KCNC4: variants seen among roughly 807,000 people sequenced by gnomAD.
The protein encoded by KCNC4 is potassium voltage-gated channel subfamily C member 4, also known as voltage-gated potassium channel KCNC4.
A neutral mutation model predicts 42.8 loss-of-function variants in KCNC4; 23 were observed. The observed-to-expected ratio is 0.54, with a 90% CI of 0.39 to 0.76. KCNC4 has a LOEUF of 0.76. Among genes scored for constraint, KCNC4 ranks in the 30% least tolerant of loss-of-function variants. The probability of loss-of-function intolerance (pLI) is 0.00; values close to 1 mark genes in which losing one functional copy is unlikely to be tolerated. For missense variants in KCNC4, 751 were observed against 898.2 expected, an observed-to-expected ratio of 0.84 and a Z score of 2.10; for synonymous variants, 422 against 393.5, an observed-to-expected ratio of 1.07 and a Z score of -0.86.
At chr1:110,228,064 C>T (rs1005691011) in intron 3 of KCNC4, among the ~76,000 whole-genome samples, 1 of 152,160 alleles carries the variant, frequency 6.6e-6, no homozygotes, top group Admixed American at 6.5e-5. Flanking sequence ...GCAAGCGTGG[C>T]AGTTAACATT....
Position 110,223,001 on chromosome 1 carries a change from C to A in KCNC4, c.716C>A (p.Ser239Tyr). ...GCCTCTCTCTTCTTCATCCTGGTCT[C>A]CATCACCACTTTCTGCCTGGAGACC... ...AFASLFFILV[S>Y]ITTFCLETHE... The change falls in exon 2 of 4, where the codon TCC (serine) becomes TAC (tyrosine). Residue 239 changes from serine to tyrosine, a missense_variant. Transcript: ENST00000438661. The surrounding 1 kb of genome is among the most constrained non-coding windows in gnomAD (Gnocchi z 7.5). 1 of 1,614,164 alleles carries A rather than the reference C, an allele frequency of 6.2e-7. No individual in the cohort carries two copies. Among genetic ancestry groups the A allele is most frequent in the Non-Finnish European group, 8.5e-7 (1 of 1,180,014 alleles).
At chr1:110,244,124 C>G (rs113286183) in exon 4 of KCNC4, 1 of 152,108 alleles carries the variant, frequency 6.6e-6, no homozygotes, top group Non-Finnish European at 1.5e-5. Context: ...CCACCGGCTT[C>G]GGGAGAAGAG....
intron 1 of KCNC4, among the ~76,000 whole-genome samples, chr1:110,216,357 G>A (rs1368140630): frequency 1.3e-5 from 2 of 152,214 alleles, no homozygotes; most frequent in African/African-American, 4.8e-5. Context: ...CCTGCCCGGG[G>A]CAGCCCCTCC....
In KCNC4 at chr1:110,278,603, C is replaced by T. The variant is rs137982760; in HGVS notation, n.31-3931C>T. Among the ~76,000 whole-genome samples, 118 of 152,248 alleles carry T rather than the reference C, an allele frequency of 7.8e-4. 2 individuals are homozygous for T. The East Asian group carries it at 0.012, about 15-fold the overall frequency. Reference sequence around the variant, plus strand: ...CTTTGGTGTGAGTATTAAAAACCCACGTGAACATGTATAATTGGGATCCCT... The same window carrying T: ...CTTTGGTGTGAGTATTAAAAACCCATGTGAACATGTATAATTGGGATCCCT... On this transcript the variant is annotated intron_variant and non_coding_transcript_variant, in intron 1 of 2. Transcript: ENST00000412512.
rs760815818 is a variant in KCNC4 at position 110,212,000 on chromosome 1, C to A, written c.501C>A (p.Gly167=). 3.1e-6 allele frequency: 5 copies of A among 1,606,796 alleles called. No individual in the cohort carries two copies. The highest frequency in any genetic ancestry group is 3.4e-6 in the Non-Finnish European group (4 of 1,177,798). Residue 167 remains glycine (G), a synonymous_variant, in exon 1 of 4, where the codon GGC becomes GGA. Coordinates refer to ENST00000438661, the MANE Select transcript of KCNC4 (RefSeq NM_001039574.3). This position sits in a 1 kb window ranked among gnomAD's most constrained non-coding sequence, Gnocchi z 6.5. ...ALDIFESPDG[G]GSGAGPSDEA... is the part of the protein sequence containing the mutation. ...ACATCTTCGAGAGCCCGGACGGAGGCGGCAGCGGCGCGGGGCCCAGCGACG... is the reference window on the plus strand; with the variant it reads ...ACATCTTCGAGAGCCCGGACGGAGGAGGCAGCGGCGCGGGGCCCAGCGACG...
chr1:110,211,053 G>A lies in KCNC4; in HGVS notation c.-447G>A, dbSNP rs1425265033. On this transcript the variant is annotated 5_prime_UTR_variant, in exon 1 of 4. Transcript: ENST00000438661. The surrounding 1 kb of genome is among the most constrained non-coding windows in gnomAD (Gnocchi z 6.5). ...CGCTGCGGGGAAGCCGGCTATTCCG[G>A]GGCTTGGTGCGGTCTTGGAGCCGGA... Among the ~76,000 whole-genome samples, 1 of 152,260 alleles carries A rather than the reference G, an allele frequency of 6.6e-6. No homozygotes were observed. The highest frequency in any genetic ancestry group is 6.5e-5 in the Admixed American group (1 of 15,292).
chr1:110,250,297 C>A (rs1030597362), downstream of KCNC4, among the ~76,000 whole-genome samples: 1 of 152,200 alleles, frequency 6.6e-6, no homozygotes, highest in East Asian at 1.9e-4. Context: ...GTCCTCCAGG[C>A]TGCCATCTGG....
chr1:110,223,807 T>C lies in KCNC4; in HGVS notation c.1522T>C (p.Cys508Arg), dbSNP rs937131166. 1.2e-6 allele frequency: 2 copies of C among 1,613,956 alleles called. No homozygotes were observed. Among genetic ancestry groups the C allele is most frequent in the Non-Finnish European group, 1.7e-6 (2 of 1,179,896 alleles). The change falls in exon 2 of 4, where the codon TGC (cysteine) becomes CGC (arginine). Residue 508 changes from cysteine (C) to arginine (R), a missense_variant. Physicochemically the swap from Cys to Arg is radical, Grantham distance 180. This residue lies in a region of KCNC4 where 202 missense variants were observed against 181.5 expected (regional missense o/e 1.11). Coordinates refer to ENST00000438661, the MANE Select transcript of KCNC4 (RefSeq NM_001039574.3). The surrounding 1 kb of genome is among the most constrained non-coding windows in gnomAD (Gnocchi z 7.5). Reference protein sequence around the residue: ...RPAQLESPMYCKSEETSPRDS... With the variant: ...RPAQLESPMYRKSEETSPRDS... ...GGCGCAGCTGGAGTCACCCATGTAC[T>C]GCAAGTCTGAGGAGACTTCCCCCCG...
intron 1 of KCNC4, among the ~76,000 whole-genome samples, chr1:110,218,927 C>T (rs1402060940): frequency 6.6e-6 from 1 of 152,138 alleles, no homozygotes; most frequent in Non-Finnish European, 1.5e-5. Flanking sequence ...AGGATGGGAG[C>T]CTGCTGTCCA....
chr1:110,253,430 C>T (rs1488313843), downstream of KCNC4, among the ~76,000 whole-genome samples: 1 of 152,244 alleles, frequency 6.6e-6, no homozygotes. Flanking sequence ...TCTGCCACAG[C>T]ATCTAGCATA....
intron 3 of KCNC4, 101 bp from the exon 4 acceptor site, chr1:110,232,810 C>G: frequency 1.3e-6 from 2 of 1,548,160 alleles, no homozygotes; most frequent in Non-Finnish European, 1.7e-6. Context: ...CTTTGTTTCT[C>G]CCTTTCTTTT....
rs1438732951 is a variant in KCNC4 at position 110,210,411 on chromosome 1, T to C, written c.-1089T>C. Among the ~76,000 whole-genome samples, 8 of 151,108 alleles carry C rather than the reference T, an allele frequency of 5.3e-5. No individual in the cohort carries two copies. In the South Asian group the frequency reaches 1.5e-3, roughly 28 times the overall value. On this transcript the variant is annotated 5_prime_UTR_variant, in exon 1 of 4. Coordinates refer to ENST00000438661, the MANE Select transcript of KCNC4 (RefSeq NM_001039574.3). ...GAGGCGCCCCCTCCCCTATGCCACC[T>C]CGCGCCCGCCCCCTGCCGCGCGCGA...
At chr1:110,251,235 T>C (rs1659244861), downstream of KCNC4, among the ~76,000 whole-genome samples, 1 of 152,224 alleles carries the variant, frequency 6.6e-6, no homozygotes, top group African/African-American at 2.4e-5. Flanking sequence ...TGTTATGGTT[T>C]GGCTGTGTCC....
intron 1 of KCNC4, among the ~76,000 whole-genome samples, chr1:110,281,654 G>A (rs1049717700): frequency 6.6e-6 from 1 of 151,996 alleles, no homozygotes; most frequent in African/African-American, 2.4e-5. Flanking sequence ...GGCTCATGGT[G>A]AGCCAGTTGC....
chr1:110,216,485 A>T (rs1408935443), intron 1 of KCNC4, among the ~76,000 whole-genome samples: 1 of 152,170 alleles, frequency 6.6e-6, no homozygotes, highest in Non-Finnish European at 1.5e-5. Context: ...TCTTGTTCTG[A>T]ACAGATCAAC....
intron 1 of KCNC4, among the ~76,000 whole-genome samples, chr1:110,218,566 G>A (rs939187349): frequency 7.5e-6 from 1 of 133,894 alleles, no homozygotes; most frequent in African/African-American, 3.1e-5. Flanking sequence ...TGTTAAAGTC[G>A]GCCTCCACTA....
intron 1 of KCNC4, among the ~76,000 whole-genome samples, chr1:110,266,029 G>A (rs970242040): frequency 6.6e-6 from 1 of 152,176 alleles, no homozygotes; most frequent in Admixed American, 6.5e-5. Flanking sequence ...GGACAGGGTG[G>A]GGACTGCCTC....
intron 1 of KCNC4, among the ~76,000 whole-genome samples, chr1:110,254,580 C>T (rs1054192379): frequency 9.9e-5 from 15 of 152,198 alleles, no homozygotes; most frequent in Admixed American, 9.2e-4. Flanking sequence ...GCTGCTTGCT[C>T]TAAACTCTGT....
chr1:110,267,801 T>C (rs1274138458), intron 1 of KCNC4, among the ~76,000 whole-genome samples: 1 of 152,224 alleles, frequency 6.6e-6, no homozygotes, highest in Non-Finnish European at 1.5e-5. Context: ...GTTTTTTGCT[T>C]ATTCTAGTCT....
Sources: gnomAD v4.1 joint callset for allele counts (sites outside exome capture counted in the v4.1 genomes callset) on GRCh38, gnomAD v4.1.1 for gene constraint, gnomAD v4.1.1 regional missense constraint, Gnocchi (gnomAD v3.1) non-coding constraint, MANE v1.5 for transcripts, NCBI Gene and HGNC (gene_info 2026-07-23, HGNC 2026-07-21) for gene names.